NR1H2: variants seen among roughly 807,000 people sequenced by gnomAD.
The protein encoded by NR1H2 is oxysterols receptor LXR-beta.
A neutral mutation model predicts 51.2 loss-of-function variants in NR1H2; 33 were observed. The observed-to-expected ratio is 0.64, with a 90% CI of 0.49 to 0.86. The LOEUF (loss-of-function observed/expected upper bound fraction) is 0.86, where lower values mean the gene tolerates loss of function less well. NR1H2 is among the 40% of genes least tolerant of loss of function. The pLI is 0.00. For synonymous variants in NR1H2, 310 were observed against 264.3 expected (o/e 1.17, Z -1.68); for missense variants, 592 against 639.9 (o/e 0.93, Z 0.81).
Position 50,382,839 on chromosome 19 carries a change from T to G in NR1H2, c.*237T>G. The G allele has an allele frequency of 2.3e-6, 1 of 430,678 alleles. No individual in the cohort carries two copies. Among genetic ancestry groups the G allele is most frequent in the East Asian group, 3.8e-5 (1 of 26,396 alleles). 26.7% of individuals were successfully genotyped at this position (430,678 alleles called of 1,614,324 possible). ...GACCACTGACCCTTCCCGGCTGCCC[T>G]CCCTCCCCAGCTTACACCTCAAGCC... is the stretch of plus-strand genomic sequence containing the variant. On this transcript the variant is annotated 3_prime_UTR_variant, in exon 10 of 10. Coordinates refer to ENST00000253727, the MANE Select transcript of NR1H2 (RefSeq NM_007121.7).
Position 50,377,920 on chromosome 19 carries a change from A to T in NR1H2, c.181+50A>T. On this transcript the variant is annotated intron_variant, in intron 4 of 9. Transcript: ENST00000253727. ...GTGGGGGCTTGGGGAGGGGTTTAGG[A>T]AGGGAGAAAGAAATAGAAATGGGAA... 3.3e-6 allele frequency: 5 copies of T among 1,506,346 alleles called. No homozygotes were observed. The South Asian group carries it at 6.6e-5, about 20-fold the overall frequency. 93.3% of individuals were successfully genotyped at this position (1,506,346 alleles called of 1,614,324 possible). A position where few individuals can be genotyped will look rare whatever the true frequency, so the allele number is the denominator to read the frequency against.
chr19:50,376,924 G>A (rs1568593052), intron 2 of NR1H2, 98 bp downstream of exon 2: 1 of 146,976 alleles, frequency 6.8e-6, no homozygotes, highest in Non-Finnish European at 1.5e-5. Context: ...GGCATGAAGG[G>A]AGGAGGCGGG....
chr19:50,377,365 G>A (rs1272174571), intron 2 of NR1H2: 2 of 482,074 alleles, frequency 4.1e-6, no homozygotes, highest in Admixed American at 4.0e-5. Context: ...CTACAGCAGG[G>A]GCGGGGCTTA....
chr19:50,379,913 C>T (rs373103294), intron 8 of NR1H2, 34 bp downstream of exon 8: 116 of 1,433,378 alleles, frequency 8.1e-5, no homozygotes, highest in Non-Finnish European at 9.9e-5. Flanking sequence ...GGAGGCTTGG[C>T]GCCCCTGCTG....
chr19:50,381,307 T>G (rs541715676), intron 8 of NR1H2, among the ~76,000 whole-genome samples: 19 of 152,316 alleles, frequency 1.2e-4, no homozygotes, highest in African/African-American at 4.3e-4. Flanking sequence ...CTCCTTCGGA[T>G]TGGTCACTGC....
chr19:50,381,945 G>T lies in NR1H2; in HGVS notation c.1028-21G>T, dbSNP rs2303043. 10 of 1,538,610 alleles carry T rather than the reference G, an allele frequency of 6.5e-6. No individual in the cohort carries two copies. The East Asian group carries it at 7.3e-5, about 11-fold the overall frequency. The stretch of plus-strand genomic sequence containing the variant: ...CACGGTTTCGGGCTGAGGGAGTCAC[G>T]GGCTGCCTCCCGCCCCGCAGGCCTG... On this transcript the variant is annotated intron_variant, in intron 8 of 9. Coordinates refer to ENST00000253727, the MANE Select transcript of NR1H2 (RefSeq NM_007121.7).
intron 2 of NR1H2, 105 bp from the exon 3 acceptor site, chr19:50,377,482 C>T: frequency 2.3e-6 from 2 of 862,332 alleles, no homozygotes; most frequent in Non-Finnish European, 3.6e-6. Context: ...AGAGTAGGGT[C>T]TTTGGAGAGA....
intron 8 of NR1H2, 138 bp downstream of exon 8, chr19:50,380,017 T>TA: frequency 1.5e-6 from 1 of 673,338 alleles, no homozygotes; most frequent in Non-Finnish European, 2.7e-6. Flanking sequence ...GAGAGTGAGG[T>TA]AAGAGTGCAT....
rs117587314 is a variant in NR1H2, at chr19:50,378,649, C to T, written c.600C>T (p.Ser200=). 1.0e-3 allele frequency: 1,664 copies of T among 1,613,986 alleles called. 29 individuals are homozygous for T. In the East Asian group the frequency reaches 0.029, roughly 28 times the overall value. The change falls in exon 6 of 10, where the codon TCC becomes TCT. Residue 200 remains serine, a synonymous_variant. Coordinates refer to ENST00000253727, the MANE Select transcript of NR1H2 (RefSeq NM_007121.7). ...SSSSASGPGA[S]PGGSEAGSQG... is the part of the protein sequence containing the mutation. ...GCTCAGCCTCTGGGCCTGGGGCTTC[C>T]CCTGGTGGATCTGAGGCAGGCAGCC...
rs963808610 is a variant in NR1H2, at chr19:50,383,287, T to C, written c.*685T>C. Among the ~76,000 whole-genome samples, 2 of 152,194 alleles carry C rather than the reference T, an allele frequency of 1.3e-5. No homozygotes were observed. Among genetic ancestry groups the C allele is most frequent in the Non-Finnish European group, 2.9e-5 (2 of 68,036 alleles). ...GTGAATGAGGGGACCTGGACTTCTG[T>C]CCGAACAACAAGTGTTTGCTGAGGC... On this transcript the variant is annotated 3_prime_UTR_variant, in exon 10 of 10. Transcript: ENST00000253727.
At position 50,382,191 on chromosome 19, in the gene NR1H2, CCTCTGCGCAGAGCCAA is replaced by C. The variant is rs1256690185; in HGVS notation, c.1236+20_1236+35del. The C allele has an allele frequency of 2.0e-6, 3 of 1,512,228 alleles. No individual in the cohort carries two copies. Among genetic ancestry groups the C allele is most frequent in the African/African-American group, 2.8e-5 (2 of 72,244 alleles). 93.7% of individuals were successfully genotyped at this position (1,512,228 alleles called of 1,614,324 possible). A position where few individuals can be genotyped will look rare whatever the true frequency, so the allele number is the denominator to read the frequency against. ...AGGCCGCAGGTAGGGCCCCGCAGAG[CCTCTGCGCAGAGCCAA>C]CTACGTCCCGCGGCCCACGTGGTCC... is the stretch of plus-strand genomic sequence containing the variant. On this transcript the variant is annotated intron_variant, in intron 9 of 9. Coordinates refer to ENST00000253727, the MANE Select transcript of NR1H2 (RefSeq NM_007121.7).
At chr19:50,377,129 TG>T (rs1388122751) in intron 2 of NR1H2, 4 of 150,682 alleles carry the variant, frequency 2.7e-5, no homozygotes, top group African/African-American at 5.2e-5. Flanking sequence ...AGGCCCATGA[TG>T]GGGGCTTTAG....
intron 8 of NR1H2, among the ~76,000 whole-genome samples, chr19:50,380,980 G>T (rs568766913): frequency 6.6e-6 from 1 of 152,114 alleles, no homozygotes; most frequent in East Asian, 1.9e-4. Context: ...CGCGGCTCCC[G>T]TCTCACTGGG....
At chr19:50,381,828 C>T in intron 8 of NR1H2, 138 bp from the exon 9 acceptor site, 2 of 729,588 alleles carry the variant, frequency 2.7e-6, no homozygotes, top group Non-Finnish European at 2.2e-6. Context: ...GGGCACGGGG[C>T]ACAGGTGGAC....
At position 50,382,563 on chromosome 19, in the gene NR1H2, G is replaced by A; in HGVS notation, c.1344G>A (p.Leu448=). Reference sequence around the variant, plus strand: ...CCTTGCGGCTCCAGGACAAGAAGCTGCCGCCTCTGCTGTCGGAGATCTGGG... The same window carrying A: ...CCTTGCGGCTCCAGGACAAGAAGCTACCGCCTCTGCTGTCGGAGATCTGGG... The part of the protein sequence containing the change: ...VFALRLQDKK[L]PPLLSEIWDV... Residue 448 remains leucine, a synonymous_variant, in exon 10 of 10, where the codon CTG becomes CTA. Coordinates refer to ENST00000253727, the MANE Select transcript of NR1H2 (RefSeq NM_007121.7). The A allele has an allele frequency of 6.2e-7, 1 of 1,604,196 alleles. No homozygotes were observed. The highest frequency in any genetic ancestry group is 8.5e-7 in the Non-Finnish European group (1 of 1,175,262).
intron 8 of NR1H2, among the ~76,000 whole-genome samples, chr19:50,380,175 A>G (rs1037726730): frequency 5.3e-5 from 8 of 152,108 alleles, no homozygotes; most frequent in African/African-American, 1.7e-4. Context: ...TAAAAAAAGC[A>G]TGTATTGAGT....
Position 50,382,866 on chromosome 19 carries a change from A to G in NR1H2, c.*264A>G, listed in dbSNP as rs1048031637. ...CCTCCCCAGCTTACACCTCAAGCCC[A>G]GCACGCAGTGCACCTTGAACAGAGG... On this transcript the variant is annotated 3_prime_UTR_variant, in exon 10 of 10. Coordinates refer to ENST00000253727, the MANE Select transcript of NR1H2 (RefSeq NM_007121.7). 14 of 390,854 alleles carry G rather than the reference A, an allele frequency of 3.6e-5. No homozygotes were observed. Among genetic ancestry groups the G allele is most frequent in the Non-Finnish European group, 5.5e-5 (12 of 216,612 alleles). The allele number at this position is 390,854 out of a possible 1,614,324, so 24.2% of individuals were successfully genotyped here. A position where few individuals can be genotyped will look rare whatever the true frequency, so the allele number is the denominator to read the frequency against.
intron 2 of NR1H2, chr19:50,377,250 T>G (rs1601138173): frequency 1.2e-4 from 31 of 255,238 alleles, no homozygotes; most frequent in African/African-American, 3.3e-4. Flanking sequence ...GAAGAGGAGG[T>G]GGGGGGAAAC....
Position 50,382,086 on chromosome 19 carries a change from C to T in NR1H2, c.1148C>T (p.Pro383Leu), listed in dbSNP as rs1189731023. The change falls in exon 9 of 10, where the codon CCC becomes CTC. Residue 383 changes from proline (P) to leucine (L), a missense_variant. Around this residue, in one of 3 missense-constraint regions of NR1H2, gnomAD observed 174 missense variants for 174.0 expected, o/e 1.00. Coordinates refer to ENST00000253727, the MANE Select transcript of NR1H2 (RefSeq NM_007121.7). Reference sequence around the variant, plus strand: ...ATCAACATCTTCTCGGCCGACCGGCCCAACGTGCAGGAGCCGGGCCGCGTG... The same window carrying T: ...ATCAACATCTTCTCGGCCGACCGGCTCAACGTGCAGGAGCCGGGCCGCGTG... ...IAINIFSADR[P>L]NVQEPGRVEA... 5 of 1,550,124 alleles carry T rather than the reference C, an allele frequency of 3.2e-6. No homozygotes were observed. The Admixed American group carries it at 7.8e-5, about 24-fold the overall frequency.
Sources: allele counts gnomAD v4.1 joint callset (sites outside exome capture counted in the v4.1 genomes callset), GRCh38; gene constraint gnomAD v4.1.1; regional missense constraint gnomAD v4.1.1; transcripts MANE v1.5; gene names NCBI Gene and HGNC (gene_info 2026-07-23, HGNC 2026-07-21).